The following PPM1L variants were observed in gnomAD, a reference collection of about 807,000 sequenced individuals.
PPM1L encodes protein phosphatase 1L.
Under a neutral mutation model 31.4 loss-of-function variants are expected in PPM1L, and 13 were observed. That is an observed-to-expected ratio of 0.41 (90% CI 0.27 to 0.66). The LOEUF (loss-of-function observed/expected upper bound fraction) is 0.66. Ranked by LOEUF, PPM1L falls within the 30% of genes least tolerant of loss-of-function variation. PPM1L has a pLI of 0.29. For synonymous variants in PPM1L, 184 were observed against 175.4 expected (o/e 1.05, Z -0.39); for missense variants, 326 against 453.7 (o/e 0.72, Z 2.56).
intron 2 of PPM1L, among the ~76,000 whole-genome samples, chr3:160,989,895 T>C (rs778646): frequency 0.63 from 95,577 of 151,986 alleles, 32,506 homozygotes; most frequent in East Asian, 0.98. Flanking sequence ...GAACTCCTGG[T>C]CTCAAGCAAT....
intron 1 of PPM1L, among the ~76,000 whole-genome samples, chr3:160,916,692 CT>C (rs1333806635): frequency 6.7e-6 from 1 of 148,704 alleles, no homozygotes; most frequent in Non-Finnish European, 1.5e-5. Context: ...TTTTTTTTTT[CT>C]GGCAACTCCT....
At chr3:160,852,656 CA>C (rs1241861016) in intron 1 of PPM1L, among the ~76,000 whole-genome samples, 1 of 152,180 alleles carries the variant, frequency 6.6e-6, no homozygotes, top group African/African-American at 2.4e-5. Context: ...TCTCTTTAAA[CA>C]AACTGGCTGG....
At chr3:160,837,629 G>A (rs1173636056) in intron 1 of PPM1L, among the ~76,000 whole-genome samples, 2 of 152,182 alleles carry the variant, frequency 1.3e-5, no homozygotes, top group Non-Finnish European at 2.9e-5. Context: ...TTGTGTCTGC[G>A]GGAGGAATGC....
chr3:160,945,112 GT>G (rs1576732800), intron 1 of PPM1L, among the ~76,000 whole-genome samples: 1 of 16,938 alleles, frequency 5.9e-5, no homozygotes, highest in East Asian at 7.4e-4. Flanking sequence ...TAACATATAT[GT>G]TATCTATCTA....
intron 1 of PPM1L, among the ~76,000 whole-genome samples, chr3:160,843,792 A>G (rs948276658): frequency 6.6e-6 from 1 of 152,024 alleles, no homozygotes; most frequent in Non-Finnish European, 1.5e-5. Flanking sequence ...TATATACCCA[A>G]AGGATTATAA....
intron 1 of PPM1L, among the ~76,000 whole-genome samples, chr3:160,923,886 CA>C (rs1395720740): frequency 6.6e-6 from 1 of 152,138 alleles, no homozygotes; most frequent in East Asian, 1.9e-4. Context: ...GATACCTTCA[CA>C]AAATGTTTTT....
At chr3:160,913,001 C>T (rs1714027059) in intron 1 of PPM1L, among the ~76,000 whole-genome samples, 1 of 152,090 alleles carries the variant, frequency 6.6e-6, no homozygotes, top group Non-Finnish European at 1.5e-5. Flanking sequence ...GCATTACATA[C>T]TGTGATGGGG....
chr3:160,949,301 G>T (rs1715503716), intron 1 of PPM1L, among the ~76,000 whole-genome samples: 1 of 152,156 alleles, frequency 6.6e-6, no homozygotes, highest in African/African-American at 2.4e-5. Flanking sequence ...GTGTATTTCT[G>T]GGAAAAGGAT....
At chr3:161,027,725 T>C (rs1006983887) in intron 2 of PPM1L, among the ~76,000 whole-genome samples, 1 of 152,146 alleles carries the variant, frequency 6.6e-6, no homozygotes, top group African/African-American at 2.4e-5. Context: ...GTGTAGACTT[T>C]CTGGAATGGG....
intron 1 of PPM1L, among the ~76,000 whole-genome samples, chr3:160,852,130 G>C (rs928948735): frequency 6.6e-6 from 1 of 152,084 alleles, no homozygotes; most frequent in African/African-American, 2.4e-5. Context: ...TTTCATAAAG[G>C]AAGATGCTGG....
At chr3:160,786,964 A>G (rs142445486) in intron 1 of PPM1L, among the ~76,000 whole-genome samples, 119 of 152,326 alleles carry the variant, frequency 7.8e-4, no homozygotes, top group African/African-American at 2.8e-3. Context: ...ATAGTAGTCC[A>G]TGTTATATAG....
chr3:161,060,488 A>G (rs1383811990), intron 2 of PPM1L, among the ~76,000 whole-genome samples: 3 of 152,186 alleles, frequency 2.0e-5, no homozygotes, highest in Non-Finnish European at 4.4e-5. Context: ...ACTGGAGTCA[A>G]TGCTGTGAGA....
At chr3:160,958,841 T>C (rs1470567423) in intron 1 of PPM1L, among the ~76,000 whole-genome samples, 1 of 152,220 alleles carries the variant, frequency 6.6e-6, no homozygotes, top group Non-Finnish European at 1.5e-5. Flanking sequence ...CAGTGGACTT[T>C]TCCTGGGAAG....
At position 160,800,327 on chromosome 3, in the gene PPM1L, G is replaced by A. The variant is rs78469313; in HGVS notation, c.399+43620G>A. Among the ~76,000 whole-genome samples the A allele has an allele frequency of 5.2e-3, 787 of 152,218 alleles. 8 individuals carry two copies. The highest frequency in any genetic ancestry group is 0.018 in the African/African-American group (750 of 41,542). ...TGTTGTGTGGTGGATTGGGAAAACA[G>A]GGAGAGACCTATGTTCTACTTATAT... On this transcript the variant is annotated intron_variant, in intron 1 of 3. Transcript: ENST00000498165.
At chr3:161,045,076 C>T (rs1455515728) in intron 2 of PPM1L, among the ~76,000 whole-genome samples, 1 of 152,160 alleles carries the variant, frequency 6.6e-6, no homozygotes, top group Non-Finnish European at 1.5e-5. Flanking sequence ...AGCTAAATAT[C>T]CTAAATATAT....
chr3:160,968,027 A>C (rs1289036939), intron 2 of PPM1L, among the ~76,000 whole-genome samples: 1 of 151,990 alleles, frequency 6.6e-6, no homozygotes, highest in Non-Finnish European at 1.5e-5. Context: ...TTACACAGCC[A>C]CATAATTTGT....
intron 1 of PPM1L, among the ~76,000 whole-genome samples, chr3:160,816,259 ATT>A (rs1036302277): frequency 3.4e-5 from 4 of 118,542 alleles, no homozygotes; most frequent in African/African-American, 1.6e-4. Flanking sequence ...GAGCAGTTTC[ATT>A]TGTGTGTGTG....
At chr3:160,801,656 T>A (rs1712429531) in intron 1 of PPM1L, among the ~76,000 whole-genome samples, 1 of 152,204 alleles carries the variant, frequency 6.6e-6, no homozygotes, top group Non-Finnish European at 1.5e-5. Context: ...ACTTGCACTC[T>A]CTTGATTTTA....
chr3:160,988,888 C>A (rs1261947870), intron 2 of PPM1L, among the ~76,000 whole-genome samples: 1 of 152,118 alleles, frequency 6.6e-6, no homozygotes, highest in African/African-American at 2.4e-5. Context: ...TAAACTAGTT[C>A]TGTGGTTCTC....
Sources: gnomAD v4.1 joint callset for allele counts (sites outside exome capture counted in the v4.1 genomes callset) on GRCh38, gnomAD v4.1.1 for gene constraint, MANE v1.5 for transcripts, NCBI Gene and HGNC (gene_info 2026-07-23, HGNC 2026-07-21) for gene names.